VPS8: variants seen among roughly 807,000 people sequenced by gnomAD.
VPS8 encodes the protein VPS8 subunit of CORVET complex.
A neutral mutation model predicts 216.4 loss-of-function variants in VPS8; 129 were observed. The observed-to-expected ratio is 0.60, with a 90% CI of 0.52 to 0.69. The LOEUF is 0.69. VPS8 is among the 30% of genes least tolerant of loss of function. VPS8 has a pLI of 0.00. For synonymous variants in VPS8, 571 were observed against 565.4 expected, an observed-to-expected ratio of 1.01 and a Z score of -0.14; for missense variants, 1,531 against 1,683.5, an observed-to-expected ratio of 0.91 and a Z score of 1.59.
intron 14 of VPS8, among the ~76,000 whole-genome samples, chr3:184,857,946 G>A (rs1560412460): frequency 6.6e-6 from 1 of 152,176 alleles, no homozygotes; most frequent in African/African-American, 2.4e-5. Context: ...TTAGTGAAGT[G>A]AAGAGGGGTC....
chr3:184,898,660 A>G lies in VPS8; in HGVS notation c.2094+6A>G, dbSNP rs1560582556. On this transcript the variant is annotated splice_donor_region_variant and intron_variant, in intron 24 of 47. Transcript: ENST00000625842. ...AATTTATTAGTCCAATGGAGGTAAG[A>G]TACTTCCTAACTTGGATACGTAATT... 1 of 1,535,822 alleles carries G rather than the reference A, an allele frequency of 6.5e-7. No homozygotes were observed. The highest frequency in any genetic ancestry group is 8.8e-7 in the Non-Finnish European group (1 of 1,139,220).
intron 22 of VPS8, among the ~76,000 whole-genome samples, chr3:184,887,748 A>G (rs986585856): frequency 6.6e-6 from 1 of 152,226 alleles, no homozygotes; most frequent in Non-Finnish European, 1.5e-5. Flanking sequence ...GACTTGGTTC[A>G]TGAATTTATG....
intron 46 of VPS8, among the ~76,000 whole-genome samples, chr3:185,042,566 A>T (rs1431529450): frequency 6.6e-6 from 1 of 152,132 alleles, no homozygotes; most frequent in Non-Finnish European, 1.5e-5. Flanking sequence ...CAGGATAATG[A>T]TGACTCAGGA....
chr3:184,868,248 A>G (rs1577982536), intron 18 of VPS8, 189 bp downstream of exon 18: 9 of 567,178 alleles, frequency 1.6e-5, no homozygotes, highest in Non-Finnish European at 2.7e-5. Flanking sequence ...AGGTTTGTCT[A>G]CATATATTAG....
chr3:185,026,748 G>A (rs1422564792), intron 46 of VPS8, among the ~76,000 whole-genome samples: 7 of 128,074 alleles, frequency 5.5e-5, no homozygotes, highest in Admixed American at 9.6e-5. Context: ...TCACTCTGTC[G>A]CCCAGGCTGG....
chr3:184,943,930 C>T (rs1468983477), intron 36 of VPS8, among the ~76,000 whole-genome samples: 2 of 126,508 alleles, frequency 1.6e-5, no homozygotes, highest in African/African-American at 5.9e-5. Flanking sequence ...GGTGAAACCC[C>T]GTCTTTACTA....
At chr3:184,939,352 T>G (rs1384001037) in intron 35 of VPS8, among the ~76,000 whole-genome samples, 1 of 151,990 alleles carries the variant, frequency 6.6e-6, no homozygotes, top group East Asian at 1.9e-4. Flanking sequence ...ATCTTTTTCA[T>G]CTTTAAGAGT....
At chr3:185,024,832 G>A (rs1757127483) in intron 46 of VPS8, among the ~76,000 whole-genome samples, 1 of 152,082 alleles carries the variant, frequency 6.6e-6, no homozygotes. Flanking sequence ...ATGAAACCCT[G>A]TCTCTACTAA....
At chr3:184,901,740 A>G (rs1168420515) in intron 25 of VPS8, among the ~76,000 whole-genome samples, 1 of 152,094 alleles carries the variant, frequency 6.6e-6, no homozygotes, top group Non-Finnish European at 1.5e-5. Context: ...CTTACCCTCC[A>G]TTCCTGACCC....
Position 184,985,760 on chromosome 3 carries a change from C to T in VPS8, c.3585+2666C>T, listed in dbSNP as rs146143906. The stretch of plus-strand genomic sequence containing the variant: ...AGTCTCTCGTTAAGTCTCTGGATTA[C>T]ATCAGGTACAAATTTCAGGAACGGA... On this transcript the variant is annotated intron_variant, in intron 42 of 47. Coordinates refer to ENST00000625842, the MANE Select transcript of VPS8 (RefSeq NM_001009921.3). Among the ~76,000 whole-genome samples the T allele has an allele frequency of 5.5e-3, 841 of 152,282 alleles. 7 individuals are homozygous for T. Among genetic ancestry groups the T allele is most frequent in the African/African-American group, 0.019 (783 of 41,546 alleles).
At chr3:184,846,264 G>C (rs1030399110) in intron 8 of VPS8, among the ~76,000 whole-genome samples, 1 of 152,132 alleles carries the variant, frequency 6.6e-6, no homozygotes, top group African/African-American at 2.4e-5. Flanking sequence ...AGATTTGTGG[G>C]CTGTAAATTT....
At chr3:184,853,072 G>T (rs988229755) in intron 11 of VPS8, among the ~76,000 whole-genome samples, 2 of 152,066 alleles carry the variant, frequency 1.3e-5, no homozygotes, top group Non-Finnish European at 2.9e-5. Flanking sequence ...AACTATCTTT[G>T]TTTCTTGTGT....
At chr3:185,000,380 C>A (rs892936834) in intron 45 of VPS8, among the ~76,000 whole-genome samples, 3 of 151,932 alleles carry the variant, frequency 2.0e-5, no homozygotes, top group African/African-American at 7.3e-5. Flanking sequence ...TGAACTCTAC[C>A]GCTTGATAGT....
At chr3:184,854,412 C>T (rs1033421656) in intron 13 of VPS8, among the ~76,000 whole-genome samples, 1 of 152,186 alleles carries the variant, frequency 6.6e-6, no homozygotes, top group Non-Finnish European at 1.5e-5. Flanking sequence ...TCACTTTAAG[C>T]TTTTCTCTCA....
At chr3:184,961,667 A>G (rs1040664445) in intron 37 of VPS8, among the ~76,000 whole-genome samples, 1 of 146,976 alleles carries the variant, frequency 6.8e-6, no homozygotes, top group South Asian at 2.1e-4. Context: ...CTAGTTTTAT[A>G]TGTTTTTAAA....
At chr3:184,835,708 TC>T (rs1720923271) in intron 5 of VPS8, among the ~76,000 whole-genome samples, 1 of 141,984 alleles carries the variant, frequency 7.0e-6, no homozygotes, top group Non-Finnish European at 1.5e-5. Context: ...TTTGGATTTT[TC>T]TTTTTTTTTT....
At chr3:185,046,124 C>T (rs1561262231) in intron 46 of VPS8, among the ~76,000 whole-genome samples, 2 of 152,236 alleles carry the variant, frequency 1.3e-5, no homozygotes, top group African/African-American at 2.4e-5. Flanking sequence ...ATTTTTCCTT[C>T]TCTTCCAGTT....
chr3:185,012,985 A>AATAT lies in VPS8; in HGVS notation c.4003-11350_4003-11349insTATA, dbSNP rs1315855382. On this transcript the variant is annotated intron_variant, in intron 45 of 47. Coordinates refer to ENST00000625842, the MANE Select transcript of VPS8 (RefSeq NM_001009921.3). ...AGCATTTCCTACGGGAAATAACTAAAAGCATTTCCTACAGGAAATAAAGGG... is the reference window on the plus strand; with the variant it reads ...AGCATTTCCTACGGGAAATAACTAAAATATAGCATTTCCTACAGGAAATAAAGGG... Among the ~76,000 whole-genome samples the AATAT allele has an allele frequency of 6.0e-3, 900 of 150,926 alleles. 8 individuals are homozygous for AATAT. The highest frequency in any genetic ancestry group is 0.021 in the African/African-American group (840 of 40,248).
At chr3:185,010,417 T>G (rs988583004) in intron 45 of VPS8, among the ~76,000 whole-genome samples, 8 of 151,946 alleles carry the variant, frequency 5.3e-5, no homozygotes, top group Non-Finnish European at 7.4e-5. Context: ...AAACAACCCA[T>G]TGAAACTAAC....
Sources: gnomAD v4.1 joint callset for allele counts (sites outside exome capture counted in the v4.1 genomes callset) on GRCh38, gnomAD v4.1.1 for gene constraint, MANE v1.5 for transcripts, NCBI Gene and HGNC (gene_info 2026-07-23, HGNC 2026-07-21) for gene names.